The following SYTL3 variants were observed in gnomAD, a reference collection of about 807,000 sequenced individuals.
The protein encoded by SYTL3 is synaptotagmin-like protein 3.
Under a neutral mutation model 82.1 loss-of-function variants are expected in SYTL3, and 88 were observed. The ratio of observed to expected loss-of-function variants is 1.07; its 90% CI spans 0.90 to 1.28. SYTL3 has a LOEUF of 1.28. SYTL3 is among the 50% of genes most tolerant of loss of function. The pLI, the probability that SYTL3 is intolerant of heterozygous loss-of-function variation, is 0.00. For synonymous variants in SYTL3, 311 were observed against 289.4 expected, an observed-to-expected ratio of 1.07 and a Z score of -0.76; for missense variants, 831 against 757.6, an observed-to-expected ratio of 1.10 and a Z score of -1.14.
chr6:158,672,563 T>TTG (rs1009506996), intron 5 of SYTL3, among the ~76,000 whole-genome samples: 11 of 151,830 alleles, frequency 7.2e-5, no homozygotes, highest in African/African-American at 2.6e-4. Context: ...TTTCTTTTTT[T>TTG]TTTTTTTGGC....
At chr6:158,683,615 T>G (rs1778979216) in intron 6 of SYTL3, among the ~76,000 whole-genome samples, 1 of 152,234 alleles carries the variant, frequency 6.6e-6, no homozygotes, top group Non-Finnish European at 1.5e-5. Context: ...CCATCAGTGC[T>G]GGGTTTGTAA....
At chr6:158,691,942 C>T (rs1024271451) in intron 6 of SYTL3, among the ~76,000 whole-genome samples, 1 of 148,216 alleles carries the variant, frequency 6.7e-6, no homozygotes, top group African/African-American at 2.5e-5. Context: ...TGAGCCACCG[C>T]GCCCGGCCAA....
At chr6:158,696,857 A>G (rs1028781664) in intron 6 of SYTL3, among the ~76,000 whole-genome samples, 3 of 152,190 alleles carry the variant, frequency 2.0e-5, no homozygotes, top group African/African-American at 7.2e-5. Flanking sequence ...TAGAAAGCCT[A>G]GAAATAAAGC....
intron 6 of SYTL3, among the ~76,000 whole-genome samples, chr6:158,703,378 C>T (rs1011630575): frequency 2.1e-4 from 32 of 152,232 alleles, no homozygotes; most frequent in African/African-American, 7.0e-4. Flanking sequence ...CCAGACCGGG[C>T]AGGGTGGTGG....
At chr6:158,722,135 A>C (rs1212333659) in intron 10 of SYTL3, among the ~76,000 whole-genome samples, 3 of 147,310 alleles carry the variant, frequency 2.0e-5, no homozygotes, top group Admixed American at 2.0e-4. Context: ...GAAGTAGTAG[A>C]TAACTTTCTT....
chr6:158,662,151 A>G (rs1298302807), intron 3 of SYTL3, among the ~76,000 whole-genome samples: 4 of 152,224 alleles, frequency 2.6e-5, no homozygotes, highest in Non-Finnish European at 5.9e-5. Flanking sequence ...AAGGAAGTTT[A>G]GCTTTTAAAG....
chr6:158,693,702 T>TTTCTTTCC (rs1780178894), intron 6 of SYTL3, among the ~76,000 whole-genome samples: 2 of 140,610 alleles, frequency 1.4e-5, no homozygotes, highest in Admixed American at 6.9e-5. Context: ...TTTCGTTTTC[T>TTTCTTTCC]TTCTTTCTTT....
chr6:158,738,805 G>A (rs968718789), intron 11 of SYTL3, among the ~76,000 whole-genome samples: 3 of 152,160 alleles, frequency 2.0e-5, no homozygotes, highest in Non-Finnish European at 4.4e-5. Flanking sequence ...TGACAGGTGT[G>A]TGCCACCGTG....
chr6:158,726,947 T>G (rs1216310815), intron 11 of SYTL3: 1 of 151,548 alleles, frequency 6.6e-6, no homozygotes, highest in Non-Finnish European at 1.5e-5. Context: ...CCTCCCAGGT[T>G]CACGTCATTC....
chr6:158,734,302 C>T (rs1249714705), intron 11 of SYTL3, among the ~76,000 whole-genome samples: 1 of 151,994 alleles, frequency 6.6e-6, no homozygotes, highest in African/African-American at 2.4e-5. Context: ...CTAATCTGCC[C>T]AGGGTCCCAC....
chr6:158,725,452 A>G, intron 10 of SYTL3, 51 bp from the exon 11 acceptor site: 1 of 1,598,128 alleles, frequency 6.3e-7, no homozygotes, highest in Non-Finnish European at 8.5e-7. Context: ...TTTGAACAAA[A>G]CCAAACTGGG....
rs544869066 is a variant in SYTL3 at position 158,691,317 on chromosome 6, G to C, written c.394+8328G>C. ...AGCCAAGATCATGCCACTGCATCCA[G>C]CCTGGGCAGCAACTGAGACTCCATC... On this transcript the variant is annotated intron_variant, in intron 6 of 17. Coordinates refer to ENST00000611299, the MANE Select transcript of SYTL3 (RefSeq NM_001242394.2). 3.2e-3 allele frequency among the ~76,000 whole-genome samples: 491 copies of C among 151,324 alleles called. 5 individuals carry two copies. The highest frequency in any genetic ancestry group is 6.5e-3 in the South Asian group (31 of 4,784).
At chr6:158,655,931 C>A (rs1297783282) in intron 2 of SYTL3, among the ~76,000 whole-genome samples, 3 of 152,092 alleles carry the variant, frequency 2.0e-5, no homozygotes, top group African/African-American at 7.2e-5. Flanking sequence ...AGAGTGGGGC[C>A]GATGCGTGGA....
intron 2 of SYTL3, among the ~76,000 whole-genome samples, chr6:158,658,865 G>A (rs1241722770): frequency 1.3e-5 from 2 of 152,164 alleles, no homozygotes; most frequent in Admixed American, 6.5e-5. Flanking sequence ...GGAGGCGGAC[G>A]TTGCAGTGAG....
intron 11 of SYTL3, among the ~76,000 whole-genome samples, chr6:158,731,656 C>G (rs1314290122): frequency 6.6e-6 from 1 of 152,170 alleles, no homozygotes; most frequent in Non-Finnish European, 1.5e-5. Flanking sequence ...TGCAGGGGTG[C>G]AATCTCAGCT....
intron 6 of SYTL3, among the ~76,000 whole-genome samples, chr6:158,703,283 C>T (rs755859020): frequency 1.3e-5 from 2 of 152,062 alleles, no homozygotes; most frequent in Non-Finnish European, 2.9e-5. Context: ...TGAGACAAGC[C>T]CTGGCAGCCT....
chr6:158,757,990 C>T (rs551657345), intron 14 of SYTL3, among the ~76,000 whole-genome samples: 1 of 152,060 alleles, frequency 6.6e-6, no homozygotes, highest in African/African-American at 2.4e-5. Context: ...TCCGTGTCCC[C>T]CAGGCTATGC....
chr6:158,760,800 G>C, intron 15 of SYTL3, 55 bp downstream of exon 15: 1 of 1,426,886 alleles, frequency 7.0e-7, no homozygotes, highest in Admixed American at 1.7e-5. Flanking sequence ...GCAGAGCCTG[G>C]TGCTGCAGGC....
intron 6 of SYTL3, among the ~76,000 whole-genome samples, chr6:158,704,169 T>G (rs536901421): frequency 1.3e-5 from 2 of 152,060 alleles, no homozygotes; most frequent in South Asian, 2.1e-4. Flanking sequence ...AACAAAAGAA[T>G]AATCTTTGTG....
Sources: gnomAD v4.1 joint callset for allele counts (sites outside exome capture counted in the v4.1 genomes callset) on GRCh38, gnomAD v4.1.1 for gene constraint, MANE v1.5 for transcripts, NCBI Gene and HGNC (gene_info 2026-07-23, HGNC 2026-07-21) for gene names.